Variants in GBX2 observed in about 807,000 individuals in gnomAD.
GBX2 encodes homeobox protein GBX-2.
In GBX2, 5 loss-of-function variants were observed where a neutral mutation model predicts 22.4. That is an observed-to-expected ratio of 0.22 (90% CI 0.12 to 0.47). The LOEUF is 0.47. GBX2 is among the 20% of genes least tolerant of loss of function. GBX2 has a pLI of 0.99. For missense variants in GBX2, 470 were observed against 495.4 expected, an observed-to-expected ratio of 0.95 and a Z score of 0.49; for synonymous variants, 220 against 230.5, an observed-to-expected ratio of 0.95 and a Z score of 0.41.
At position 236,166,386 on chromosome 2, in the gene GBX2, G is replaced by T; in HGVS notation, c.575C>A (p.Pro192Gln). Reference sequence around the variant, plus strand: ...CGAGAAGCTCTCCTCCTTGCCCTTCGGGTCGTCTTCCACCTTTGACTCGTC... The same window carrying T: ...CGAGAAGCTCTCCTCCTTGCCCTTCTGGTCGTCTTCCACCTTTGACTCGTC... Reference protein sequence around the residue: ...GKDESKVEDDPKGKEESFSLE... With the variant: ...GKDESKVEDDQKGKEESFSLE... The change falls in exon 2 of 2, where the codon CCG becomes CAG. Residue 192 changes from proline to glutamine, a missense_variant. Transcript: ENST00000306318. This position sits in a 1 kb window ranked among gnomAD's most constrained non-coding sequence, Gnocchi z 6.6. 6.2e-7 allele frequency: 1 copy of T among 1,613,932 alleles called. No homozygotes were observed. The highest frequency in any genetic ancestry group is 8.5e-7 in the Non-Finnish European group (1 of 1,180,002).
At chr2:236,163,671 C>T (rs2060222806), downstream of GBX2, among the ~76,000 whole-genome samples, 1 of 152,188 alleles carries the variant, frequency 6.6e-6, no homozygotes, top group Admixed American at 6.5e-5. Context: ...AACTCTTCGC[C>T]CCCAGCCACG....
In GBX2 at chr2:236,167,995, G is replaced by A; in HGVS notation, c.-24C>T. The A allele has an allele frequency of 1.3e-6, 2 of 1,515,190 alleles. No individual in the cohort carries two copies. Among genetic ancestry groups the A allele is most frequent in the Non-Finnish European group, 1.8e-6 (2 of 1,135,104 alleles). 93.9% of individuals were successfully genotyped at this position (1,515,190 alleles called of 1,614,324 possible). On this transcript the variant is annotated 5_prime_UTR_variant, in exon 1 of 2. Coordinates refer to ENST00000306318, the MANE Select transcript of GBX2 (RefSeq NM_001485.4). ...ATAGACGCGCTCGGTAGAGGCCAGC[G>A]AGAGGCGAAAAGTCCCCGCGCCGCG...
Position 236,167,744 on chromosome 2 carries a change from G to T in GBX2, c.228C>A (p.Pro76=), listed in dbSNP as rs746599153. The T allele has an allele frequency of 2.0e-6, 3 of 1,495,156 alleles. No homozygotes were observed. Among genetic ancestry groups the T allele is most frequent in the East Asian group, 2.7e-5 (1 of 36,496 alleles). The allele number at this position is 1,495,156 out of a possible 1,614,324, so 92.6% of individuals were successfully genotyped here. Residue 76 remains proline, a synonymous_variant, in exon 1 of 2, where the codon CCC becomes CCA. Transcript: ENST00000306318. ...TGGGGATCTGGTGGTGAGGGTGTGCGGGCGGCAGCGCTGGCTGCAGCGCGG... is the reference window on the plus strand; with the variant it reads ...TGGGGATCTGGTGGTGAGGGTGTGCTGGCGGCAGCGCTGGCTGCAGCGCGG... The part of the protein sequence containing the change: ...PQAALQPALP[P]AHPHHQIPSL...
chr2:236,166,522 GC>G lies in GBX2; in HGVS notation c.524-86del. Reference sequence around the variant, plus strand: ...TCCCACCGTCATTTGGACATTCCGCGCCCCCCGCCCCCCACCCTTTAGCGGA... The same window carrying G: ...TCCCACCGTCATTTGGACATTCCGCGCCCCCGCCCCCCACCCTTTAGCGGA... On this transcript the variant is annotated intron_variant, in intron 1 of 1. Transcript: ENST00000306318. This position sits in a 1 kb window ranked among gnomAD's most constrained non-coding sequence, Gnocchi z 6.6. The G allele has an allele frequency of 8.6e-7, 1 of 1,160,390 alleles. No homozygotes were observed. The highest frequency in any genetic ancestry group is 1.2e-6 in the Non-Finnish European group (1 of 802,156). 71.9% of individuals were successfully genotyped at this position (1,160,390 alleles called of 1,614,324 possible).
rs757446664 is a variant in GBX2, at chr2:236,167,569, C to T, written c.403G>A (p.Gly135Ser). ...RKFAPQPLPGGGNFDKAEALQ... is the reference protein window; with the variant it reads ...RKFAPQPLPGSGNFDKAEALQ... ...GCCTCCGCCTTGTCGAAGTTACCGCCGCCGGGCAGCGGCTGCGGCGCGAAC... is the reference window on the plus strand; with the variant it reads ...GCCTCCGCCTTGTCGAAGTTACCGCTGCCGGGCAGCGGCTGCGGCGCGAAC... Residue 135 changes from glycine to serine, a missense_variant, in exon 1 of 2, where the codon GGC (glycine) becomes AGC (serine). By Grantham distance (56) the Gly-to-Ser change is moderately conservative. Transcript: ENST00000306318. 1.9e-6 allele frequency: 3 copies of T among 1,597,590 alleles called. No individual in the cohort carries two copies. Among genetic ancestry groups the T allele is most frequent in the Admixed American group, 1.7e-5 (1 of 59,190 alleles).
chr2:236,167,198 A>G (rs2106250987), intron 1 of GBX2: 2 of 1,535,070 alleles, frequency 1.3e-6, no homozygotes, highest in South Asian at 1.2e-5. Flanking sequence ...ATCGTCAGAT[A>G]GATATGTGGC....
rs1436360788 is a variant in GBX2 at position 236,167,600 on chromosome 2, G to A, written c.372C>T (p.Ala124=). The A allele has an allele frequency of 6.9e-6, 11 of 1,593,920 alleles. No individual in the cohort carries two copies. Among genetic ancestry groups the A allele is most frequent in the Non-Finnish European group, 8.5e-6 (10 of 1,174,130 alleles). The part of the protein sequence containing the change: ...ASPQHQEAAA[A]RKFAPQPLPG... ...GCAGCGGCTGCGGCGCGAACTTGCG[G>A]GCCGCTGCCGCCTCCTGGTGCTGGG... The change falls in exon 1 of 2, where the codon GCC becomes GCT. Residue 124 remains alanine (A), a synonymous_variant. Coordinates refer to ENST00000306318, the MANE Select transcript of GBX2 (RefSeq NM_001485.4).
chr2:236,167,566 C>T lies in GBX2; in HGVS notation c.406G>A (p.Gly136Ser). ...KFAPQPLPGGGNFDKAEALQA... is the reference protein window; with the variant it reads ...KFAPQPLPGGSNFDKAEALQA... Reference sequence around the variant, plus strand: ...AGCGCCTCCGCCTTGTCGAAGTTACCGCCGCCGGGCAGCGGCTGCGGCGCG... The same window carrying T: ...AGCGCCTCCGCCTTGTCGAAGTTACTGCCGCCGGGCAGCGGCTGCGGCGCG... The change falls in exon 1 of 2, where the codon GGT becomes AGT. Residue 136 changes from glycine (G) to serine (S), a missense_variant. By Grantham distance (56) the Gly-to-Ser change is moderately conservative (BLOSUM62 0). Around this residue, in one of 4 missense-constraint regions of GBX2, gnomAD observed 377 missense variants for 358.6 expected, o/e 1.05. Coordinates refer to ENST00000306318, the MANE Select transcript of GBX2 (RefSeq NM_001485.4). 1 of 1,597,908 alleles carries T rather than the reference C, an allele frequency of 6.3e-7. No homozygotes were observed.
At chr2:236,161,722 G>A (rs990080007), downstream of GBX2, among the ~76,000 whole-genome samples, 1 of 152,200 alleles carries the variant, frequency 6.6e-6, no homozygotes, top group African/African-American at 2.4e-5. Flanking sequence ...AGAAATAGGT[G>A]TGTGCACTGG....
chr2:236,164,429 G>C (rs1449810244), downstream of GBX2, among the ~76,000 whole-genome samples: 1 of 152,156 alleles, frequency 6.6e-6, no homozygotes, highest in Non-Finnish European at 1.5e-5. Context: ...TCGGGGTCCG[G>C]CAGCGAGCGG....
chr2:236,165,782 T>G lies in GBX2; in HGVS notation c.*132A>C, dbSNP rs568494280. On this transcript the variant is annotated 3_prime_UTR_variant, in exon 2 of 2. Transcript: ENST00000306318. ...CTTTTAAGCCCATTTAGTGAATATA[T>G]TCTCAATTTGCTTGGGATGGCCACA... The G allele has an allele frequency of 5.2e-4, 369 of 714,086 alleles. No individual in the cohort carries two copies. Among genetic ancestry groups the G allele is most frequent in the Non-Finnish European group, 8.1e-4 (341 of 423,018 alleles). The allele number at this position is 714,086 out of a possible 1,614,324, so 44.2% of individuals were successfully genotyped here. A position where few individuals can be genotyped will look rare whatever the true frequency, so the allele number is the denominator to read the frequency against.
rs1291783221 is a variant in GBX2, at chr2:236,168,092, G to A, written c.-121C>T. The A allele has an allele frequency of 1.0e-5, 11 of 1,068,910 alleles. No individual in the cohort carries two copies. In the East Asian group the frequency reaches 2.8e-4, roughly 27 times the overall value. The allele number at this position is 1,068,910 out of a possible 1,614,324, so 66.2% of individuals were successfully genotyped here. A position where few individuals can be genotyped will look rare whatever the true frequency, so the allele number is the denominator to read the frequency against. The stretch of plus-strand genomic sequence containing the variant: ...CCGGGCAGGGGCCGAGCGGGACCCG[G>A]AGAGCAGACGCCTCCGCCCCTCAGT... On this transcript the variant is annotated 5_prime_UTR_variant, in exon 1 of 2. Transcript: ENST00000306318.
chr2:236,167,779 G>A lies in GBX2; in HGVS notation c.193C>T (p.Leu65=), dbSNP rs762320292. Residue 65 remains leucine, a synonymous_variant, in exon 1 of 2, where the codon CTG becomes TTG. Coordinates refer to ENST00000306318, the MANE Select transcript of GBX2 (RefSeq NM_001485.4). The stretch of plus-strand genomic sequence containing the variant: ...GCTGGCTGCAGCGCGGCCTGGGGCA[G>A]CGCGGGCGGCGGCGGCGGCGGCGGC... ...LPPPPPPPPA[L]PQAALQPALP... The A allele has an allele frequency of 1.5e-4, 209 of 1,414,858 alleles. No homozygotes were observed. The highest frequency in any genetic ancestry group is 1.8e-4 in the Non-Finnish European group (199 of 1,083,448). The allele number at this position is 1,414,858 out of a possible 1,614,324, so 87.6% of individuals were successfully genotyped here.
chr2:236,161,560 C>G (rs1377222292), downstream of GBX2, among the ~76,000 whole-genome samples: 2 of 152,228 alleles, frequency 1.3e-5, no homozygotes, highest in Non-Finnish European at 2.9e-5. Flanking sequence ...CCGGCCTTAG[C>G]TTCCCCCAAG....
Position 236,168,285 on chromosome 2 carries a change from TGCCGTCCGTCCGTCCGTCCC to T in GBX2, c.-334_-315del. 1 of 146,136 alleles carries T rather than the reference TGCCGTCCGTCCGTCCGTCCC, an allele frequency of 6.8e-6. No individual in the cohort carries two copies. The highest frequency in any genetic ancestry group is 1.2e-5 in the Non-Finnish European group (1 of 80,542). 9.1% of individuals were successfully genotyped at this position (146,136 alleles called of 1,614,324 possible). ...GGTTTGGCCCTCGGCCCCGGTAAGC[TGCCGTCCGTCCGTCCGTCCC>T]GCCGTCCGTCGCCTCCCGCGGGCCG... On this transcript the variant is annotated 5_prime_UTR_variant, in exon 1 of 2. Coordinates refer to ENST00000306318, the MANE Select transcript of GBX2 (RefSeq NM_001485.4).
Position 236,167,644 on chromosome 2 carries a change from C to T in GBX2, c.328G>A (p.Gly110Ser). 1 of 1,593,060 alleles carries T rather than the reference C, an allele frequency of 6.3e-7. No individual in the cohort carries two copies. Among genetic ancestry groups the T allele is most frequent in the South Asian group, 1.1e-5 (1 of 89,522 alleles). ...TGCTGGGGCGACGCGGAGAAGCCGC[C>T]GGGGAGCGTGGCCATGAGCGTAGAG... ...LTSTLMATLP[G>S]GFSASPQHQE... Residue 110 changes from glycine to serine, a missense_variant, in exon 1 of 2, where the codon GGC becomes AGC. By Grantham distance (56) the Gly-to-Ser change is moderately conservative. Coordinates refer to ENST00000306318, the MANE Select transcript of GBX2 (RefSeq NM_001485.4).
downstream of GBX2, among the ~76,000 whole-genome samples, chr2:236,163,964 C>T (rs1186367490): frequency 1.3e-5 from 2 of 152,114 alleles, no homozygotes; most frequent in African/African-American, 4.8e-5. Context: ...CGGCCGACGC[C>T]CTCGGAGGAC....
chr2:236,167,699 G>T lies in GBX2; in HGVS notation c.273C>A (p.Cys91Ter). 6.4e-7 allele frequency: 1 copy of T among 1,573,930 alleles called. No individual in the cohort carries two copies. Reference protein sequence around the residue: ...HQIPSLPTGFCSSLAQGMALT... With the variant: ...HQIPSLPTGF ...GCGCCATGCCCTGCGCCAGGCTGGA[G>T]CAGAAGCCTGTGGGCAGGCTGGGGA... The change falls in exon 1 of 2, where the codon TGC becomes TGA. Residue 91 changes from cysteine (C) to a stop codon, truncating the protein, a stop_gained. Coordinates refer to ENST00000306318, the MANE Select transcript of GBX2 (RefSeq NM_001485.4). LOFTEE classifies it high-confidence loss of function.
intron 1 of GBX2, chr2:236,167,244 C>T: frequency 2.0e-6 from 3 of 1,489,566 alleles, no homozygotes; most frequent in Middle Eastern, 1.7e-4. Flanking sequence ...GCTAAACGCC[C>T]CCCCTCCCGA....
Sources: allele counts gnomAD v4.1 joint callset (sites outside exome capture counted in the v4.1 genomes callset), GRCh38; gene constraint gnomAD v4.1.1; regional missense constraint gnomAD v4.1.1; non-coding constraint Gnocchi (gnomAD v3.1); transcripts MANE v1.5; gene names NCBI Gene and HGNC (gene_info 2026-07-23, HGNC 2026-07-21).